Variants in SAMMSON observed in about 807,000 individuals in gnomAD.
SAMMSON encodes survival associated mitochondrial melanoma specific oncogenic non-coding RNA.
At chr3:70,277,025 G>A (rs903437098) in intron 6 of SAMMSON, among the ~76,000 whole-genome samples, 8 of 151,836 alleles carry the variant, frequency 5.3e-5, no homozygotes, top group Non-Finnish European at 1.0e-4. Flanking sequence ...TTTTAGCATG[G>A]CATTCATGGA....
chr3:70,393,288 G>T (rs1052897954), downstream of SAMMSON, among the ~76,000 whole-genome samples: 2 of 152,166 alleles, frequency 1.3e-5, no homozygotes, highest in African/African-American at 2.4e-5. Context: ...GGGCAAGTCC[G>T]TAAAACTCTA....
At chr3:70,036,437 GC>G (rs1434904070) in intron 3 of SAMMSON, among the ~76,000 whole-genome samples, 1 of 152,110 alleles carries the variant, frequency 6.6e-6, no homozygotes, top group African/African-American at 2.4e-5. Context: ...TCAGATGAAG[GC>G]TTTTGTTCTC....
chr3:70,079,384 C>T (rs761360765), intron 4 of SAMMSON, among the ~76,000 whole-genome samples: 2 of 152,128 alleles, frequency 1.3e-5, no homozygotes, highest in African/African-American at 2.4e-5. Context: ...CAGAGACCCA[C>T]GAACTGAACA....
chr3:70,274,973 CTATT>C (rs1015266659), intron 6 of SAMMSON, among the ~76,000 whole-genome samples: 6 of 151,990 alleles, frequency 3.9e-5, no homozygotes, highest in African/African-American at 1.2e-4. Flanking sequence ...CTGTTTGAAA[CTATT>C]TATCTGTGAG....
chr3:70,062,819 A>G (rs1005536625), intron 3 of SAMMSON, among the ~76,000 whole-genome samples: 4 of 152,046 alleles, frequency 2.6e-5, no homozygotes, highest in Non-Finnish European at 5.9e-5. Context: ...GTTTGGTGTA[A>G]ATGACTTCCA....
intron 4 of SAMMSON, among the ~76,000 whole-genome samples, chr3:70,162,829 A>G (rs1375827845): frequency 1.3e-5 from 2 of 151,930 alleles, no homozygotes; most frequent in African/African-American, 4.8e-5. Context: ...TTAGATGCAC[A>G]TATGTTTATA....
intron 9 of SAMMSON, among the ~76,000 whole-genome samples, chr3:70,370,326 C>T (rs969262896): frequency 4.6e-5 from 7 of 151,718 alleles, no homozygotes; most frequent in Non-Finnish European, 1.0e-4. Flanking sequence ...TGGATGAATA[C>T]CCGGTGGGAT....
chr3:70,322,028 C>G (rs1702542533), intron 7 of SAMMSON, among the ~76,000 whole-genome samples: 1 of 151,788 alleles, frequency 6.6e-6, no homozygotes, highest in African/African-American at 2.4e-5. Context: ...CACTAAAAAC[C>G]TAGGAGTTTT....
chr3:70,247,337 A>G (rs1701716710), intron 4 of SAMMSON, among the ~76,000 whole-genome samples: 1 of 152,022 alleles, frequency 6.6e-6, no homozygotes, highest in South Asian at 2.1e-4. Context: ...TACAAGGATG[A>G]AAACAGAGGA....
intron 2 of SAMMSON, among the ~76,000 whole-genome samples, chr3:70,417,202 A>G (rs1447975760): frequency 6.6e-6 from 1 of 152,098 alleles, no homozygotes; most frequent in Non-Finnish European, 1.5e-5. Flanking sequence ...TTACCCCTTT[A>G]CCAATGTCAA....
chr3:70,107,480 T>C (rs2067371203), intron 4 of SAMMSON, among the ~76,000 whole-genome samples: 1 of 152,170 alleles, frequency 6.6e-6, no homozygotes. Context: ...AAGTTGGGAT[T>C]ATAACAGGAA....
rs111474258 is a variant in SAMMSON at position 70,291,179 on chromosome 3, G to A, written n.675G>A. The A allele has an allele frequency of 1.6e-4, 25 of 152,182 alleles. 1 individual carries two copies. The highest frequency in any genetic ancestry group is 5.5e-4 in the African/African-American group (23 of 41,520). 9.4% of individuals were successfully genotyped at this position (152,182 alleles called of 1,614,324 possible). ...ACATATTTGCATGTTTAACATCCAG[G>A]GCCCTGGAGCCAGACTGTCTGGGGT... On this transcript the variant is annotated splice_region_variant and non_coding_transcript_exon_variant, in exon 7 of 10. Transcript: ENST00000642114.
At chr3:70,079,764 A>G (rs1488470529) in intron 4 of SAMMSON, among the ~76,000 whole-genome samples, 2 of 152,128 alleles carry the variant, frequency 1.3e-5, no homozygotes, top group East Asian at 3.9e-4. Context: ...ACCCCACTGT[A>G]AGTCGAGAGG....
chr3:70,273,471 C>G (rs553683473), intron 6 of SAMMSON, among the ~76,000 whole-genome samples: 1 of 152,076 alleles, frequency 6.6e-6, no homozygotes, highest in Non-Finnish European at 1.5e-5. Context: ...CTCAGGAGAT[C>G]GTCCAGAAAA....
intron 4 of SAMMSON, among the ~76,000 whole-genome samples, chr3:70,124,489 G>A (rs1287070176): frequency 2.0e-5 from 3 of 152,124 alleles, no homozygotes; most frequent in Admixed American, 2.0e-4. Flanking sequence ...TACCTGACAT[G>A]TAAGCATTCT....
chr3:70,290,970 A>G (rs965194545), intron 6 of SAMMSON, among the ~76,000 whole-genome samples: 1 of 152,084 alleles, frequency 6.6e-6, no homozygotes, highest in African/African-American at 2.4e-5. Context: ...GGCACTCCCT[A>G]GTGAGATGAA....
chr3:70,041,163 G>T lies in SAMMSON; in HGVS notation n.417+27491G>T, dbSNP rs533254791. ...CTGGCTAGTAAAGTTTAGATTTAAA[G>T]ACCTTTGCCAAAGTGTCCAGTGTAA... is the stretch of plus-strand genomic sequence containing the variant. On this transcript the variant is annotated intron_variant and non_coding_transcript_variant, in intron 3 of 9. Coordinates refer to ENST00000642114, the Ensembl canonical transcript of SAMMSON. 5.9e-5 allele frequency among the ~76,000 whole-genome samples: 9 copies of T among 152,212 alleles called. No individual in the cohort carries two copies. In the South Asian group the frequency reaches 1.2e-3, roughly 21 times the overall value.
chr3:70,100,526 G>A (rs866928997), intron 4 of SAMMSON, among the ~76,000 whole-genome samples: 2 of 3,548 alleles, frequency 5.6e-4, no homozygotes, highest in Non-Finnish European at 2.1e-3. Context: ...GGGGGGGGGG[G>A]GGGGGGGAAG....
At chr3:70,406,752 T>G (rs1224462531) in intron 2 of SAMMSON, among the ~76,000 whole-genome samples, 4 of 152,094 alleles carry the variant, frequency 2.6e-5, no homozygotes, top group Non-Finnish European at 1.5e-5. Flanking sequence ...GGAGATTAAT[T>G]GGAATTCTAA....
Sources: allele counts gnomAD v4.1 joint callset (sites outside exome capture counted in the v4.1 genomes callset), GRCh38; gene constraint gnomAD v4.1.1; transcripts MANE v1.5; gene names NCBI Gene and HGNC (gene_info 2026-07-23, HGNC 2026-07-21).